PTK2B: variants seen among roughly 807,000 people sequenced by gnomAD.
PTK2B encodes protein tyrosine kinase 2 beta.
In PTK2B, 71 loss-of-function variants were observed where a neutral mutation model predicts 142.9. The ratio of observed to expected loss-of-function variants is 0.50; its 90% CI spans 0.41 to 0.61. The LOEUF (loss-of-function observed/expected upper bound fraction) is 0.61, where lower values mean the gene tolerates loss of function less well. Among genes scored for constraint, PTK2B ranks in the 20% least tolerant of loss-of-function variants. The pLI, the probability that PTK2B is intolerant of heterozygous loss-of-function variation, is 0.00. For synonymous variants in PTK2B, 519 were observed against 503.4 expected (o/e 1.03, Z -0.42); for missense variants, 1,105 against 1,320.4 (o/e 0.84, Z 2.53).
At chr8:27,434,283 A>G in intron 12 of PTK2B, 151 bp downstream of exon 12, 1 of 1,134,952 alleles carries the variant, frequency 8.8e-7, no homozygotes, top group East Asian at 2.5e-5. Flanking sequence ...CTCCCAATAA[A>G]TACCTGCAGG....
At chr8:27,329,664 A>G (rs1224881612) in intron 1 of PTK2B, among the ~76,000 whole-genome samples, 2 of 151,398 alleles carry the variant, frequency 1.3e-5, no homozygotes, top group Non-Finnish European at 2.9e-5. Flanking sequence ...GAGGATGAAG[A>G]GTTTCCTTGT....
chr8:27,405,810 C>A (rs113050498), intron 2 of PTK2B, among the ~76,000 whole-genome samples: 7 of 152,358 alleles, frequency 4.6e-5, no homozygotes, highest in African/African-American at 1.7e-4. Context: ...ACTTTTATCA[C>A]GTCAAAATGA....
intron 2 of PTK2B, among the ~76,000 whole-genome samples, chr8:27,401,260 A>AGAGAACCAG (rs80161214): frequency 1.3e-4 from 20 of 151,670 alleles, no homozygotes; most frequent in Admixed American, 1.1e-3. Flanking sequence ...AACAAGAGCA[A>AGAGAACCAG]GAGAACCAGG....
chr8:27,320,012 C>G (rs1221815636), intron 3 of PTK2B, among the ~76,000 whole-genome samples: 1 of 152,142 alleles, frequency 6.6e-6, no homozygotes, highest in African/African-American at 2.4e-5. Flanking sequence ...GGAAGGGTCC[C>G]CAGAGAAACT....
chr8:27,428,887 A>G (rs186834064), intron 5 of PTK2B, among the ~76,000 whole-genome samples: 3 of 152,278 alleles, frequency 2.0e-5, no homozygotes, highest in East Asian at 1.9e-4. Context: ...TTTTTATTAG[A>G]TATTTCCTCT....
intron 1 of PTK2B, among the ~76,000 whole-genome samples, chr8:27,359,609 T>A (rs1220579623): frequency 6.6e-6 from 1 of 152,190 alleles, no homozygotes; most frequent in African/African-American, 2.4e-5. Context: ...AGAGTTCTGC[T>A]TTTTCCTCTG....
At chr8:27,311,190 T>A, upstream of PTK2B, 2 of 1,601,158 alleles carry the variant, frequency 1.2e-6, no homozygotes, top group South Asian at 2.2e-5. Context: ...AACTCCTCCT[T>A]GAAGGAGCGG....
intron 24 of PTK2B, among the ~76,000 whole-genome samples, chr8:27,449,877 G>T (rs1448798089): frequency 6.6e-6 from 1 of 152,204 alleles, no homozygotes; most frequent in Non-Finnish European, 1.5e-5. Context: ...TAGATTACTA[G>T]ATCTAGGGAG....
chr8:27,399,949 A>AAGCACAC (rs1459236653), intron 2 of PTK2B, among the ~76,000 whole-genome samples: 3 of 152,184 alleles, frequency 2.0e-5, no homozygotes, highest in Non-Finnish European at 2.9e-5. Context: ...GAGAAGCACA[A>AAGCACAC]AGCACACAGC....
intron 21 of PTK2B, among the ~76,000 whole-genome samples, chr8:27,442,653 C>A (rs114041930): frequency 0.012 from 1,866 of 152,282 alleles, 42 homozygotes; most frequent in African/African-American, 0.043. Flanking sequence ...ACCTTGGATC[C>A]ATTCCTGTGA....
chr8:27,402,432 T>A (rs185218447), intron 2 of PTK2B, among the ~76,000 whole-genome samples: 1 of 152,278 alleles, frequency 6.6e-6, no homozygotes, highest in East Asian at 1.9e-4. Context: ...GGATACATAA[T>A]TCTGGAGGAG....
At chr8:27,311,260 C>T (rs1286482390), upstream of PTK2B, 1 of 1,478,092 alleles carries the variant, frequency 6.8e-7, no homozygotes, top group Non-Finnish European at 9.0e-7. Context: ...GCTCGGGCGC[C>T]CGGAACTTTT....
chr8:27,427,060 G>C (rs1451608877), intron 5 of PTK2B, among the ~76,000 whole-genome samples: 1 of 152,192 alleles, frequency 6.6e-6, no homozygotes, highest in Admixed American at 6.5e-5. Context: ...CTGGGAAGCA[G>C]ATCTCACCCC....
At chr8:27,341,282 C>T (rs910998904) in intron 1 of PTK2B, among the ~76,000 whole-genome samples, 5 of 152,200 alleles carry the variant, frequency 3.3e-5, no homozygotes, top group East Asian at 1.9e-4. Flanking sequence ...GGCGGGCCCC[C>T]GTCTCGTGCC....
At chr8:27,433,947 G>GAT in intron 11 of PTK2B, 146 bp from the exon 12 acceptor site, 1 of 1,117,930 alleles carries the variant, frequency 8.9e-7, no homozygotes, top group Admixed American at 1.7e-5. Context: ...CTGGCCCAAG[G>GAT]CCTCACTAGC....
intron 14 of PTK2B, 78 bp from the exon 15 acceptor site, chr8:27,436,173 A>C: frequency 7.2e-7 from 1 of 1,394,698 alleles, no homozygotes; most frequent in South Asian, 1.2e-5. Context: ...GCCTGGCTTT[A>C]GAGCCTGCAG....
intron 2 of PTK2B, among the ~76,000 whole-genome samples, chr8:27,399,351 C>T (rs1396183416): frequency 6.6e-6 from 1 of 152,142 alleles, no homozygotes; most frequent in African/African-American, 2.4e-5. Context: ...TGGGGAACAG[C>T]ATGTCAAAAG....
intron 2 of PTK2B, among the ~76,000 whole-genome samples, chr8:27,406,344 G>A (rs537765634): frequency 2.4e-4 from 37 of 152,122 alleles, no homozygotes; most frequent in Non-Finnish European, 5.0e-4. Context: ...GTTAGGACAT[G>A]GACATATCTT....
intron 2 of PTK2B, among the ~76,000 whole-genome samples, chr8:27,415,504 ACT>A (rs1275833815): frequency 6.6e-6 from 1 of 152,184 alleles, no homozygotes; most frequent in African/African-American, 2.4e-5. Flanking sequence ...ATAAAAGGGA[ACT>A]CTCTGCAAGC....
Sources: allele counts gnomAD v4.1 joint callset (sites outside exome capture counted in the v4.1 genomes callset), GRCh38; gene constraint gnomAD v4.1.1; transcripts MANE v1.5; gene names NCBI Gene and HGNC (gene_info 2026-07-23, HGNC 2026-07-21).